The following KMT2E variants were observed in gnomAD, a reference collection of about 807,000 sequenced individuals.
KMT2E encodes the protein lysine methyltransferase 2E (inactive), also known as histone reader KMT2E.
KMT2E carries 30 observed loss-of-function variants against 184.6 expected under a neutral mutation model. The observed-to-expected ratio is 0.16, with a 90% confidence interval of 0.12 to 0.22. KMT2E has a LOEUF of 0.22. Ranked by LOEUF, KMT2E falls within the 10% of genes least tolerant of loss-of-function variation. The probability of loss-of-function intolerance (pLI) is 1.00; values close to 1 mark genes in which losing one functional copy is unlikely to be tolerated. For missense variants in KMT2E, 2,023 were observed against 2,237.4 expected (o/e 0.90, Z 1.93); for synonymous variants, 815 against 776.5 (o/e 1.05, Z -0.82).
rs1170318469 is a variant in KMT2E at position 105,114,501 on chromosome 7, T to G, written c.*1168T>G. The G allele has an allele frequency of 1.3e-5, 2 of 152,242 alleles. No individual in the cohort carries two copies. Among genetic ancestry groups the G allele is most frequent in the Non-Finnish European group, 2.9e-5 (2 of 68,032 alleles). 9.4% of individuals were successfully genotyped at this position (152,242 alleles called of 1,614,324 possible). A position where few individuals can be genotyped will look rare whatever the true frequency, so the allele number is the denominator to read the frequency against. On this transcript the variant is annotated 3_prime_UTR_variant, in exon 27 of 27. Transcript: ENST00000311117. ...ATGGCCTCTTAAGTGAACGTTTTTATTGCTAAAATATAAAATGCTAGTTAG... is the reference window on the plus strand; with the variant it reads ...ATGGCCTCTTAAGTGAACGTTTTTAGTGCTAAAATATAAAATGCTAGTTAG...
chr7:105,043,397 C>T (rs1033836429), intron 3 of KMT2E, among the ~76,000 whole-genome samples: 5 of 151,414 alleles, frequency 3.3e-5, no homozygotes, highest in South Asian at 2.1e-4. Context: ...CCACTACGCC[C>T]GGCTAATTTT....
At chr7:105,020,122 A>G (rs955473513) in intron 1 of KMT2E, among the ~76,000 whole-genome samples, 3 of 151,440 alleles carry the variant, frequency 2.0e-5, no homozygotes, top group Admixed American at 6.6e-5. Context: ...AAAAAAAAAA[A>G]GTAAATAAGT....
chr7:105,052,540 CATTTTTTATTTTTATTT>C (rs1796391137), intron 3 of KMT2E, among the ~76,000 whole-genome samples: 1 of 151,838 alleles, frequency 6.6e-6, no homozygotes, highest in East Asian at 1.9e-4. Context: ...GCTTGAAGGT[CATTTTTTATTTTTATTT>C]ATTTTTTATT....
At chr7:105,019,434 T>C (rs142203237) in intron 1 of KMT2E, among the ~76,000 whole-genome samples, 3 of 152,358 alleles carry the variant, frequency 2.0e-5, no homozygotes, top group African/African-American at 7.2e-5. Flanking sequence ...TTACCAAAAC[T>C]ATTTAAGCTT....
chr7:105,100,371 T>C (rs1798599847), intron 15 of KMT2E, among the ~76,000 whole-genome samples: 1 of 152,204 alleles, frequency 6.6e-6, no homozygotes, highest in African/African-American at 2.4e-5. Flanking sequence ...AGCTCCAATA[T>C]TGAGAAGACT....
chr7:105,062,422 T>C (rs1030707379), intron 4 of KMT2E, 144 bp downstream of exon 4: 2 of 540,256 alleles, frequency 3.7e-6, no homozygotes, highest in African/African-American at 1.9e-5. Flanking sequence ...AATTTTTCAT[T>C]AACCATTAAG....
Position 105,091,717 on chromosome 7 carries a change from A to C in KMT2E, c.1722+403A>C, listed in dbSNP as rs547321632. The C allele has an allele frequency of 8.2e-4, 117 of 143,254 alleles. 1 individual carries two copies. The East Asian group carries it at 0.023, about 28-fold the overall frequency. The allele number at this position is 143,254 out of a possible 1,614,324, so 8.9% of individuals were successfully genotyped here. On this transcript the variant is annotated intron_variant, in intron 15 of 26. Coordinates refer to ENST00000311117, the MANE Select transcript of KMT2E (RefSeq NM_182931.3). ...ATAGCACCAAATAAATTGCTTATGCAAAAAAAAAAAAAAACCTACCACTGG... is the reference window on the plus strand; with the variant it reads ...ATAGCACCAAATAAATTGCTTATGCCAAAAAAAAAAAAAACCTACCACTGG...
intron 3 of KMT2E, among the ~76,000 whole-genome samples, chr7:105,048,229 G>C (rs919176271): frequency 6.6e-6 from 1 of 152,004 alleles, no homozygotes; most frequent in Non-Finnish European, 1.5e-5. Context: ...TACAGATAGG[G>C]TTTCATCATG....
At chr7:105,088,385 C>A (rs188374191) in intron 13 of KMT2E, among the ~76,000 whole-genome samples, 1 of 152,130 alleles carries the variant, frequency 6.6e-6, no homozygotes, top group Non-Finnish European at 1.5e-5. Flanking sequence ...GAGGTAGGAC[C>A]ATAAATGTTT....
chr7:105,098,822 T>C (rs940956212), intron 15 of KMT2E, among the ~76,000 whole-genome samples: 3 of 152,126 alleles, frequency 2.0e-5, no homozygotes, highest in Non-Finnish European at 4.4e-5. Flanking sequence ...CTAAGACATA[T>C]GTCATAAAAA....
At chr7:105,101,133 CA>C (rs1333477446) in intron 15 of KMT2E, among the ~76,000 whole-genome samples, 1 of 152,028 alleles carries the variant, frequency 6.6e-6, no homozygotes. Context: ...TTTGGTAAAA[CA>C]AGGTAATTTT....
chr7:105,113,496 T>C lies in KMT2E; in HGVS notation c.*163T>C, dbSNP rs1450085775. On this transcript the variant is annotated 3_prime_UTR_variant, in exon 27 of 27. Coordinates refer to ENST00000311117, the MANE Select transcript of KMT2E (RefSeq NM_182931.3). ...TCATTTTTGCTTTTTAAAATTCCTT[T>C]AAAAAATGTGCTGTTAAGCCAGTAT... 1.3e-6 allele frequency: 1 copy of C among 777,048 alleles called. No homozygotes were observed. 48.1% of individuals were successfully genotyped at this position (777,048 alleles called of 1,614,324 possible).
chr7:105,091,341 C>T, intron 15 of KMT2E, 27 bp downstream of exon 15: 4 of 1,265,182 alleles, frequency 3.2e-6, no homozygotes, highest in Non-Finnish European at 4.6e-6. Context: ...GTAGTTTGGG[C>T]TTAGTGACAG....
intron 5 of KMT2E, chr7:105,064,161 T>C: frequency 3.8e-6 from 1 of 259,990 alleles, no homozygotes; most frequent in Non-Finnish European, 7.6e-6. Flanking sequence ...TTTTTTTTTC[T>C]TGGTTTTTTT....
Position 105,107,614 on chromosome 7 carries a change from C to T in KMT2E, c.3157C>T (p.Leu1053=). The T allele has an allele frequency of 1.2e-6, 2 of 1,614,146 alleles. No homozygotes were observed. Among genetic ancestry groups the T allele is most frequent in the Middle Eastern group, 1.6e-4 (1 of 6,062 alleles). ...TGACAGGGCTGAGCCCAACAGCCAA[C>T]TGGACTCGACTCACTCTGGACGGGG... ...AHDRAEPNSQ[L]DSTHSGRGTM... Residue 1053 remains leucine (L), a synonymous_variant, in exon 22 of 27, where the codon CTG becomes TTG. Transcript: ENST00000311117.
At chr7:105,045,506 C>T (rs917180082) in intron 3 of KMT2E, among the ~76,000 whole-genome samples, 7 of 152,084 alleles carry the variant, frequency 4.6e-5, no homozygotes, top group Non-Finnish European at 8.8e-5. Context: ...TCTTTATTTG[C>T]CTATTCTAGA....
In KMT2E at chr7:105,047,656, A is replaced by G. The variant is rs985722095; in HGVS notation, c.71+6633A>G. ...ACTTCTTCTCAAAGATGTGAAAACA[A>G]AGTTTCAGAAGGGTTAACTAACTTC... On this transcript the variant is annotated intron_variant, in intron 3 of 26. Transcript: ENST00000311117. 1.3e-5 allele frequency among the ~76,000 whole-genome samples: 2 copies of G among 152,212 alleles called. 1 individual carries two copies. Among genetic ancestry groups the G allele is most frequent in the East Asian group, 3.8e-4 (2 of 5,200 alleles).
chr7:105,036,912 A>G (rs959605689), intron 1 of KMT2E, among the ~76,000 whole-genome samples: 1 of 152,184 alleles, frequency 6.6e-6, no homozygotes, highest in Non-Finnish European at 1.5e-5. Flanking sequence ...TGAAAGTCAG[A>G]GCAGTGAAAT....
intron 20 of KMT2E, 38 bp downstream of exon 20, chr7:105,106,810 TGGG>T (rs778393477): frequency 2.1e-5 from 34 of 1,592,398 alleles, no homozygotes; most frequent in Non-Finnish European, 2.7e-5. Context: ...ATTCAACACT[TGGG>T]GGGATGGAAT....
Sources: gnomAD v4.1 joint callset for allele counts (sites outside exome capture counted in the v4.1 genomes callset) on GRCh38, gnomAD v4.1.1 for gene constraint, MANE v1.5 for transcripts, NCBI Gene and HGNC (gene_info 2026-07-23, HGNC 2026-07-21) for gene names.